ZFAND6: variants seen among roughly 807,000 people sequenced by gnomAD.
ZFAND6 encodes AN1-type zinc finger protein 6.
Under a neutral mutation model 24.5 loss-of-function variants are expected in ZFAND6, and 12 were observed. The ratio of observed to expected loss-of-function variants is 0.49; its 90% CI spans 0.31 to 0.79. ZFAND6 has a LOEUF of 0.79. Among genes scored for constraint, ZFAND6 ranks in the 30% least tolerant of loss-of-function variants. The probability of loss-of-function intolerance (pLI) is 0.04; values close to 1 mark genes in which losing one functional copy is unlikely to be tolerated. For synonymous variants in ZFAND6, 92 were observed against 81.5 expected, an observed-to-expected ratio of 1.13 and a Z score of -0.69; for missense variants, 207 against 245.9, an observed-to-expected ratio of 0.84 and a Z score of 1.06.
intron 2 of ZFAND6, among the ~76,000 whole-genome samples, chr15:80,116,944 T>C (rs566068094): frequency 5.9e-5 from 9 of 152,328 alleles, no homozygotes; most frequent in African/African-American, 1.7e-4. Flanking sequence ...TGAATGGATC[T>C]TCTGTTCATG....
chr15:80,092,687 C>T (rs1211422917), intron 1 of ZFAND6, among the ~76,000 whole-genome samples: 1 of 152,040 alleles, frequency 6.6e-6, no homozygotes, highest in African/African-American at 2.4e-5. Context: ...GGTTCATTGA[C>T]GGTGTTACCC....
chr15:80,090,107 C>T (rs1327916022), intron 1 of ZFAND6, among the ~76,000 whole-genome samples: 1 of 152,142 alleles, frequency 6.6e-6, no homozygotes, highest in Admixed American at 6.6e-5. Flanking sequence ...GAGTAGCAGC[C>T]ATTCCTTATT....
chr15:80,133,884 G>A (rs193034116), intron 6 of ZFAND6, among the ~76,000 whole-genome samples: 18 of 152,090 alleles, frequency 1.2e-4, no homozygotes, highest in African/African-American at 3.9e-4. Context: ...CAACAGGAAC[G>A]CTTAAACAAT....
chr15:80,122,350 CATG>C (rs1364699549), intron 4 of ZFAND6, among the ~76,000 whole-genome samples: 1 of 152,084 alleles, frequency 6.6e-6, no homozygotes, highest in Non-Finnish European at 1.5e-5. Flanking sequence ...TTTTCCAGTT[CATG>C]ATAAGATATG....
At chr15:80,092,098 G>A (rs2038412523) in intron 1 of ZFAND6, among the ~76,000 whole-genome samples, 1 of 152,020 alleles carries the variant, frequency 6.6e-6, no homozygotes, top group East Asian at 1.9e-4. Flanking sequence ...TGTCCCACTT[G>A]CAATGGATAG....
chr15:80,131,410 T>G, intron 6 of ZFAND6, 117 bp downstream of exon 6: 1 of 747,058 alleles, frequency 1.3e-6, no homozygotes, highest in Non-Finnish European at 2.0e-6. Context: ...ATATTGGATA[T>G]ACTTCACCTT....
intron 5 of ZFAND6, among the ~76,000 whole-genome samples, chr15:80,123,568 G>T (rs1160137132): frequency 2.0e-5 from 3 of 152,194 alleles, no homozygotes; most frequent in Non-Finnish European, 2.9e-5. Flanking sequence ...TCACATGATG[G>T]TAACAGATAC....
intron 1 of ZFAND6, among the ~76,000 whole-genome samples, chr15:80,080,679 G>A (rs974197136): frequency 6.6e-6 from 1 of 152,186 alleles, no homozygotes; most frequent in African/African-American, 2.4e-5. Flanking sequence ...ATAAAAAGAG[G>A]TTTAATTGGC....
At chr15:80,115,422 A>G (rs1184061838) in intron 2 of ZFAND6, among the ~76,000 whole-genome samples, 1 of 152,198 alleles carries the variant, frequency 6.6e-6, no homozygotes, top group African/African-American at 2.4e-5. Context: ...ATAATTCCAC[A>G]GTGCAGCAGT....
chr15:80,065,537 A>ATTTTTTTTTTTTTTTTTTTTTTTTTT (rs149756891), intron 1 of ZFAND6, among the ~76,000 whole-genome samples: 15 of 76,498 alleles, frequency 2.0e-4, no homozygotes, highest in South Asian at 5.2e-4. Context: ...TTTGGTTTTG[A>ATTTTTTTTTTTTTTTTTTTTTTTTTT]TTTTTTTTTT....
intron 1 of ZFAND6, among the ~76,000 whole-genome samples, chr15:80,083,929 C>T (rs1276883817): frequency 6.6e-6 from 1 of 152,166 alleles, no homozygotes; most frequent in East Asian, 1.9e-4. Context: ...GCTTCATAGA[C>T]AAGATGAGCT....
chr15:80,073,728 G>C (rs1384651779), intron 1 of ZFAND6, among the ~76,000 whole-genome samples: 2 of 151,836 alleles, frequency 1.3e-5, no homozygotes, highest in African/African-American at 4.8e-5. Context: ...TATTCTTGCA[G>C]TTTTCCAATA....
chr15:80,061,552 A>G (rs2036334884), intron 1 of ZFAND6, among the ~76,000 whole-genome samples: 1 of 152,190 alleles, frequency 6.6e-6, no homozygotes, highest in Non-Finnish European at 1.5e-5. Flanking sequence ...TTTTTGAAAA[A>G]TAGTTTTATC....
intron 2 of ZFAND6, among the ~76,000 whole-genome samples, chr15:80,099,480 A>T (rs928092388): frequency 6.6e-6 from 1 of 152,232 alleles, no homozygotes; most frequent in Admixed American, 6.5e-5. Flanking sequence ...TATGCAGTGT[A>T]TGCACTAAAA....
At chr15:80,094,044 T>C (rs1181135615) in intron 1 of ZFAND6, among the ~76,000 whole-genome samples, 1 of 152,238 alleles carries the variant, frequency 6.6e-6, no homozygotes, top group African/African-American at 2.4e-5. Flanking sequence ...TTTAAACTGC[T>C]GTTGGATTGG....
chr15:80,123,019 AATTT>A, intron 5 of ZFAND6: 1 of 442,912 alleles, frequency 2.3e-6, no homozygotes, highest in South Asian at 3.4e-5. Context: ...GCAAATTCAA[AATTT>A]GTTTAGTTTG....
At chr15:80,112,985 T>G (rs2039686378) in intron 2 of ZFAND6, 3 of 390,010 alleles carry the variant, frequency 7.7e-6, no homozygotes, top group Admixed American at 3.1e-5. Context: ...AGTTTTCCAG[T>G]GATTTGAAAA....
chr15:80,134,058 A>G (rs556385557), intron 6 of ZFAND6, among the ~76,000 whole-genome samples: 1 of 144,742 alleles, frequency 6.9e-6, no homozygotes, highest in African/African-American at 2.6e-5. Flanking sequence ...CGCACTCTCC[A>G]CTCACTGCAA....
chr15:80,118,271 C>T (rs530487920), intron 2 of ZFAND6, among the ~76,000 whole-genome samples: 4 of 152,120 alleles, frequency 2.6e-5, no homozygotes, highest in East Asian at 1.9e-4. Flanking sequence ...TACAGGCACA[C>T]GCCGCCACAC....
Sources: gnomAD v4.1 joint callset for allele counts (sites outside exome capture counted in the v4.1 genomes callset) on GRCh38, gnomAD v4.1.1 for gene constraint, MANE v1.5 for transcripts, NCBI Gene and HGNC (gene_info 2026-07-23, HGNC 2026-07-21) for gene names.